RBFOX1: variants seen among roughly 807,000 people sequenced by gnomAD.
The protein encoded by RBFOX1 is RNA binding fox-1 homolog 1, also known as RNA binding protein fox-1 homolog 1.
In RBFOX1, 8 loss-of-function variants were observed where a neutral mutation model predicts 57.7. The ratio of observed to expected loss-of-function variants is 0.14; its 90% CI spans 0.08 to 0.25. The LOEUF is 0.25. RBFOX1 is among the 10% of genes least tolerant of loss of function. RBFOX1 has a pLI of 1.00. For synonymous variants in RBFOX1, 326 were observed against 222.4 expected (o/e 1.47, Z -4.15); for missense variants, 611 against 548.5 (o/e 1.11, Z -1.14).
intron 2 of RBFOX1, among the ~76,000 whole-genome samples, chr16:5,577,936 T>A (rs962480648): frequency 2.0e-5 from 3 of 149,434 alleles, no homozygotes; most frequent in African/African-American, 7.4e-5. Context: ...AAATTACAAT[T>A]TGTAGAGAGA....
At chr16:7,706,200 T>G (rs760724690) in intron 14 of RBFOX1, among the ~76,000 whole-genome samples, 1 of 152,194 alleles carries the variant, frequency 6.6e-6, no homozygotes. Flanking sequence ...AAATTAGCAT[T>G]TGAAAAGAAG....
chr16:7,001,149 C>T (rs1010798256), intron 3 of RBFOX1, among the ~76,000 whole-genome samples: 7 of 152,122 alleles, frequency 4.6e-5, no homozygotes, highest in Non-Finnish European at 5.9e-5. Flanking sequence ...TTTTCAAATC[C>T]GTTTGAGTTA....
intron 1 of RBFOX1, among the ~76,000 whole-genome samples, chr16:5,388,920 G>A (rs1446693814): frequency 1.3e-4 from 19 of 151,224 alleles, no homozygotes; most frequent in Non-Finnish European, 2.5e-4. Flanking sequence ...GGCCGGGCGC[G>A]GTGGCTCACA....
intron 1 of RBFOX1, among the ~76,000 whole-genome samples, chr16:5,452,858 T>C (rs143633866): frequency 0.027 from 4,155 of 151,848 alleles, 84 homozygotes; most frequent in Non-Finnish European, 0.045. Context: ...TGGCCTCGAG[T>C]TCCTGATCTT....
intron 4 of RBFOX1, among the ~76,000 whole-genome samples, chr16:7,099,427 T>C (rs866939493): frequency 6.6e-6 from 1 of 152,300 alleles, no homozygotes; most frequent in Middle Eastern, 3.4e-3. Flanking sequence ...TGGGATGAAA[T>C]AATAGAACCA....
intron 2 of RBFOX1, among the ~76,000 whole-genome samples, chr16:5,583,117 C>T (rs971697408): frequency 9.2e-5 from 14 of 152,196 alleles, no homozygotes; most frequent in African/African-American, 3.1e-4. Context: ...TTGGCTTGCA[C>T]GTTCTTGCAG....
intron 4 of RBFOX1, among the ~76,000 whole-genome samples, chr16:7,480,371 G>A (rs977292787): frequency 1.3e-5 from 2 of 152,172 alleles, no homozygotes; most frequent in Non-Finnish European, 1.5e-5. Context: ...TGTTTAGAGG[G>A]TTAAGAGAGA....
Position 7,219,435 on chromosome 16 carries a change from GA to G in RBFOX1, c.27+167340del, listed in dbSNP as rs148675280. On this transcript the variant is annotated intron_variant, in intron 4 of 15. Coordinates refer to ENST00000550418, the MANE Select transcript of RBFOX1 (RefSeq NM_018723.4). The stretch of plus-strand genomic sequence containing the variant: ...ATGAGCATAGTTGAAAGTTTGGGGG[GA>G]AAGAGAACCGTCGGCTGCTCCAACC... Among the ~76,000 whole-genome samples, 466 of 152,290 alleles carry G rather than the reference GA, an allele frequency of 3.1e-3. 8 individuals carry two copies. Among genetic ancestry groups the G allele is most frequent in the African/African-American group, 0.01 (436 of 41,550 alleles).
intron 4 of RBFOX1, among the ~76,000 whole-genome samples, chr16:7,257,992 A>G (rs940213442): frequency 1.3e-5 from 2 of 152,240 alleles, no homozygotes; most frequent in South Asian, 4.1e-4. Flanking sequence ...CTGTATCGAC[A>G]CAACTCTGAC....
chr16:6,718,252 G>A (rs937527788), intron 3 of RBFOX1, among the ~76,000 whole-genome samples: 1 of 152,136 alleles, frequency 6.6e-6, no homozygotes, highest in Non-Finnish European at 1.5e-5. Context: ...CCATATGGTA[G>A]GTATGTTGGC....
At chr16:7,437,873 A>C (rs148731520) in intron 4 of RBFOX1, among the ~76,000 whole-genome samples, 6 of 151,956 alleles carry the variant, frequency 3.9e-5, no homozygotes, top group Non-Finnish European at 8.8e-5. Flanking sequence ...TCAGAAAAAA[A>C]AAATGAATAT....
At chr16:5,573,540 G>C (rs780305609) in intron 2 of RBFOX1, among the ~76,000 whole-genome samples, 1 of 152,124 alleles carries the variant, frequency 6.6e-6, no homozygotes, top group African/African-American at 2.4e-5. Context: ...TCAGCTCCAC[G>C]GAATGTACCA....
At chr16:5,522,250 A>G (rs766604150) in intron 2 of RBFOX1, among the ~76,000 whole-genome samples, 3 of 152,216 alleles carry the variant, frequency 2.0e-5, no homozygotes, top group African/African-American at 4.8e-5. Context: ...GGACAAGTCC[A>G]TGTACCTCTT....
chr16:7,216,571 T>C (rs2092080618), intron 4 of RBFOX1, among the ~76,000 whole-genome samples: 1 of 152,098 alleles, frequency 6.6e-6, no homozygotes, highest in Non-Finnish European at 1.5e-5. Context: ...TAGCACAGAA[T>C]TGCTTGAACC....
At chr16:7,142,175 C>T (rs1238853608) in intron 4 of RBFOX1, among the ~76,000 whole-genome samples, 1 of 152,044 alleles carries the variant, frequency 6.6e-6, no homozygotes, top group Non-Finnish European at 1.5e-5. Context: ...GAGCACACAC[C>T]ACCACACCTG....
intron 2 of RBFOX1, among the ~76,000 whole-genome samples, chr16:6,342,380 A>G (rs1237118905): frequency 6.6e-6 from 1 of 152,162 alleles, no homozygotes; most frequent in Non-Finnish European, 1.5e-5. Context: ...GAAACGAAGG[A>G]TCCCATGTTT....
intron 14 of RBFOX1, among the ~76,000 whole-genome samples, chr16:7,704,709 T>C (rs17690568): frequency 0.2 from 30,586 of 152,128 alleles, 3,776 homozygotes; most frequent in South Asian, 0.3. Flanking sequence ...TTAGAGTTGC[T>C]ATACAACATG....
chr16:5,419,577 A>T (rs1348329607), intron 1 of RBFOX1, among the ~76,000 whole-genome samples: 1 of 151,800 alleles, frequency 6.6e-6, no homozygotes, highest in Non-Finnish European at 1.5e-5. Flanking sequence ...TGCATCCTTC[A>T]TTCCAATCAA....
chr16:6,659,079 G>C (rs921832928), intron 3 of RBFOX1, among the ~76,000 whole-genome samples: 2 of 151,946 alleles, frequency 1.3e-5, no homozygotes, highest in African/African-American at 4.8e-5. Flanking sequence ...TACAGTACCT[G>C]TGTTTCTGCT....
Sources: allele counts gnomAD v4.1 joint callset (sites outside exome capture counted in the v4.1 genomes callset), GRCh38; gene constraint gnomAD v4.1.1; transcripts MANE v1.5; gene names NCBI Gene and HGNC (gene_info 2026-07-23, HGNC 2026-07-21).